Variants in PPM1E observed in about 807,000 individuals in gnomAD.
PPM1E encodes protein phosphatase 1E.
Under a neutral mutation model 65.9 loss-of-function variants are expected in PPM1E, and 20 were observed. The observed-to-expected ratio is 0.30, with a 90% CI of 0.21 to 0.44. PPM1E has a LOEUF of 0.44. Ranked by LOEUF, PPM1E falls within the 20% of genes least tolerant of loss-of-function variation. The probability of loss-of-function intolerance (pLI) is 1.00; values close to 1 mark genes in which losing one functional copy is unlikely to be tolerated. For synonymous variants in PPM1E, 352 were observed against 374.9 expected (o/e 0.94, Z 0.70); for missense variants, 713 against 953.1 (o/e 0.75, Z 3.32).
At chr17:58,846,312 C>A (rs1379872503) in intron 1 of PPM1E, among the ~76,000 whole-genome samples, 1 of 152,064 alleles carries the variant, frequency 6.6e-6, no homozygotes, top group African/African-American at 2.4e-5. Context: ...GGTACATGTG[C>A]ACAACATGCA....
At chr17:58,873,151 T>G (rs2051089858) in intron 1 of PPM1E, among the ~76,000 whole-genome samples, 1 of 152,218 alleles carries the variant, frequency 6.6e-6, no homozygotes, top group East Asian at 1.9e-4. Context: ...CAATGTAGTA[T>G]AGATAAATTT....
chr17:58,788,427 T>C (rs1282056694), intron 1 of PPM1E, among the ~76,000 whole-genome samples: 1 of 152,150 alleles, frequency 6.6e-6, no homozygotes, highest in African/African-American at 2.4e-5. Context: ...GAAGAGTCAC[T>C]TCAGTCTGCT....
intron 1 of PPM1E, among the ~76,000 whole-genome samples, chr17:58,895,408 C>T (rs1426014312): frequency 6.6e-6 from 1 of 152,066 alleles, no homozygotes; most frequent in Non-Finnish European, 1.5e-5. Flanking sequence ...TGTCAAAATC[C>T]AAAACAGGCC....
intron 1 of PPM1E, among the ~76,000 whole-genome samples, chr17:58,949,938 C>T (rs1567885443): frequency 6.6e-6 from 1 of 152,154 alleles, no homozygotes; most frequent in Non-Finnish European, 1.5e-5. Context: ...TCATCCCTTT[C>T]TCTCCTGGCC....
At position 58,893,295 on chromosome 17, in the gene PPM1E, G is replaced by A. The variant is rs961450526; in HGVS notation, c.465-62354G>A. Reference sequence around the variant, plus strand: ...TAGCACTGAAAAGAAATGAGTCATCGAGCCATGAAAGACATGGAGTAAGCT... The same window carrying A: ...TAGCACTGAAAAGAAATGAGTCATCAAGCCATGAAAGACATGGAGTAAGCT... On this transcript the variant is annotated intron_variant, in intron 1 of 6. Transcript: ENST00000308249. Among the ~76,000 whole-genome samples, 8 of 152,276 alleles carry A rather than the reference G, an allele frequency of 5.3e-5. No homozygotes were observed. The Middle Eastern group carries it at 0.01, about 194-fold the overall frequency.
intron 1 of PPM1E, among the ~76,000 whole-genome samples, chr17:58,825,107 C>G (rs541521442): frequency 6.6e-6 from 1 of 151,804 alleles, no homozygotes; most frequent in Admixed American, 6.6e-5. Context: ...TCAAAATCTC[C>G]CAAATCACCA....
intron 1 of PPM1E, among the ~76,000 whole-genome samples, chr17:58,814,570 GA>G (rs749119552): frequency 1.7e-4 from 26 of 152,178 alleles, no homozygotes; most frequent in Non-Finnish European, 2.9e-4. Context: ...ACCAGATACA[GA>G]TAATACCTTT....
In PPM1E at chr17:58,836,760, G is replaced by A. The variant is rs577763592; in HGVS notation, c.464+80299G>A. ...TTATTGGCCGGGCGCGGTGGCTCAC[G>A]CCTGTAATCCCAGCACTTTGGGAGG... On this transcript the variant is annotated intron_variant, in intron 1 of 6. Transcript: ENST00000308249. Among the ~76,000 whole-genome samples, 16 of 148,392 alleles carry A rather than the reference G, an allele frequency of 1.1e-4. No homozygotes were observed. In the South Asian group the frequency reaches 2.3e-3, roughly 21 times the overall value.
chr17:58,870,540 G>A (rs903974623), intron 1 of PPM1E, among the ~76,000 whole-genome samples: 3 of 152,088 alleles, frequency 2.0e-5, no homozygotes, highest in African/African-American at 7.2e-5. Context: ...CATGTGTACC[G>A]ATGCTTAGCT....
At chr17:58,817,774 CAG>C (rs1057395984) in intron 1 of PPM1E, among the ~76,000 whole-genome samples, 2 of 150,078 alleles carry the variant, frequency 1.3e-5, no homozygotes, top group Non-Finnish European at 3.0e-5. Context: ...TTTTTTGAGA[CAG>C]AGTCTTGCTC....
chr17:58,783,612 G>A (rs937344955), intron 1 of PPM1E, among the ~76,000 whole-genome samples: 2 of 152,278 alleles, frequency 1.3e-5, no homozygotes, highest in Non-Finnish European at 2.9e-5. Context: ...AGCAGCTCTG[G>A]GACATAAGCC....
chr17:58,822,609 G>A (rs767309188), intron 1 of PPM1E, among the ~76,000 whole-genome samples: 3 of 152,104 alleles, frequency 2.0e-5, no homozygotes, highest in Admixed American at 6.6e-5. Flanking sequence ...ATTGCCAAAC[G>A]TGTAGCCCAT....
intron 1 of PPM1E, among the ~76,000 whole-genome samples, chr17:58,770,053 C>A (rs1329433946): frequency 6.6e-6 from 1 of 151,614 alleles, no homozygotes; most frequent in Admixed American, 6.6e-5. Flanking sequence ...CAAGAAAAAA[C>A]CAGTGGATTA....
At chr17:58,783,890 T>C (rs2050072639) in intron 1 of PPM1E, among the ~76,000 whole-genome samples, 1 of 151,032 alleles carries the variant, frequency 6.6e-6, no homozygotes, top group Admixed American at 6.6e-5. Context: ...TCTGTATTTT[T>C]AGTAGAGACA....
At chr17:58,888,515 C>T (rs892631755) in intron 1 of PPM1E, among the ~76,000 whole-genome samples, 22 of 152,046 alleles carry the variant, frequency 1.4e-4, no homozygotes, top group African/African-American at 5.3e-4. Flanking sequence ...AGGTGCCCAC[C>T]ACTGCGCCTG....
chr17:58,931,508 C>T (rs1034008101), intron 1 of PPM1E, among the ~76,000 whole-genome samples: 3 of 151,936 alleles, frequency 2.0e-5, no homozygotes, highest in Admixed American at 6.6e-5. Context: ...GAGAGTACAT[C>T]ATGAGCCAGG....
intron 1 of PPM1E, among the ~76,000 whole-genome samples, chr17:58,823,632 TTAA>T (rs2050502607): frequency 2.0e-5 from 3 of 152,160 alleles, no homozygotes; most frequent in Non-Finnish European, 4.4e-5. Flanking sequence ...GTCTGCAAAA[TTAA>T]TCTGCACCAC....
chr17:58,921,119 C>T lies in PPM1E; in HGVS notation c.465-34530C>T, dbSNP rs139237904. ...ATTGTGACTTTAATAAGAGCAGTTT[C>T]AGAAAAGCACTGAGAATTAGAGCCT... On this transcript the variant is annotated intron_variant, in intron 1 of 6. Transcript: ENST00000308249. Among the ~76,000 whole-genome samples the T allele has an allele frequency of 9.4e-3, 1,437 of 152,246 alleles. 15 individuals carry two copies. Among genetic ancestry groups the T allele is most frequent in the Non-Finnish European group, 0.012 (827 of 68,022 alleles).
intron 2 of PPM1E, among the ~76,000 whole-genome samples, chr17:58,959,111 C>T (rs941130248): frequency 6.6e-6 from 1 of 151,496 alleles, no homozygotes; most frequent in African/African-American, 2.4e-5. Flanking sequence ...GAGTTCGAGA[C>T]CAGCCTGGCC....
Sources: allele counts gnomAD v4.1 joint callset (sites outside exome capture counted in the v4.1 genomes callset), GRCh38; gene constraint gnomAD v4.1.1; transcripts MANE v1.5; gene names NCBI Gene and HGNC (gene_info 2026-07-23, HGNC 2026-07-21).